COG5: variants seen among roughly 807,000 people sequenced by gnomAD.
COG5 encodes component of oligomeric golgi complex 5.
In COG5, 86 loss-of-function variants were observed where a neutral mutation model predicts 110.4. The ratio of observed to expected loss-of-function variants is 0.78; its 90% confidence interval spans 0.65 to 0.93. The LOEUF (loss-of-function observed/expected upper bound fraction) is 0.93, where lower values mean the gene tolerates loss of function less well. Ranked by LOEUF, COG5 falls within the 40% of genes least tolerant of loss-of-function variation. The pLI, the probability that COG5 is intolerant of heterozygous loss-of-function variation, is 0.00. For synonymous variants in COG5, 360 were observed against 334.6 expected (o/e 1.08, Z -0.83); for missense variants, 1,077 against 987.0 (o/e 1.09, Z -1.22).
At chr7:107,419,167 A>C (rs1177730572) in intron 6 of COG5, among the ~76,000 whole-genome samples, 1 of 152,192 alleles carries the variant, frequency 6.6e-6, no homozygotes, top group Non-Finnish European at 1.5e-5. Context: ...AACACAGTAA[A>C]ATAAAATTAT....
chr7:107,511,158 AAAG>A (rs1291722502), intron 6 of COG5, among the ~76,000 whole-genome samples: 3 of 151,638 alleles, frequency 2.0e-5, no homozygotes, highest in African/African-American at 7.3e-5. Context: ...CAAGACTAAT[AAAG>A]AAGAAAAGAG....
intron 11 of COG5, among the ~76,000 whole-genome samples, chr7:107,319,453 A>C (rs1304458030): frequency 6.6e-6 from 1 of 152,208 alleles, no homozygotes; most frequent in Non-Finnish European, 1.5e-5. Context: ...ATGGCAGACT[A>C]TATATTGATT....
chr7:107,247,767 C>G (rs1213440629), intron 17 of COG5, among the ~76,000 whole-genome samples: 1 of 152,126 alleles, frequency 6.6e-6, no homozygotes, highest in African/African-American at 2.4e-5. Flanking sequence ...TCTCAGGATA[C>G]CTATGACATG....
chr7:107,528,573 T>TGAGGGAGAGTGTGGTA (rs1170138434), intron 5 of COG5, among the ~76,000 whole-genome samples: 1 of 152,174 alleles, frequency 6.6e-6, no homozygotes, highest in Non-Finnish European at 1.5e-5. Context: ...AGCAGTTGCA[T>TGAGGGAGAGTGTGGTA]GAGGGAGAGT....
chr7:107,239,834 G>A (rs558619198), intron 17 of COG5, among the ~76,000 whole-genome samples: 2 of 152,240 alleles, frequency 1.3e-5, no homozygotes, highest in African/African-American at 2.4e-5. Flanking sequence ...ATTGTCATTA[G>A]AAAAGATACT....
chr7:107,210,133 G>T, intron 21 of COG5: 1 of 1,070,694 alleles, frequency 9.3e-7, no homozygotes. Flanking sequence ...TCGCACTTGG[G>T]TATTTTTAAA....
At chr7:107,422,378 T>C (rs1793357807) in intron 6 of COG5, among the ~76,000 whole-genome samples, 1 of 152,136 alleles carries the variant, frequency 6.6e-6, no homozygotes, top group African/African-American at 2.4e-5. Flanking sequence ...AATACAAAAA[T>C]TAGCCGGACA....
intron 7 of COG5, among the ~76,000 whole-genome samples, chr7:107,378,797 T>C (rs536843115): frequency 4.3e-4 from 65 of 152,258 alleles, no homozygotes; most frequent in Non-Finnish European, 8.7e-4. Flanking sequence ...CTACGTTTGA[T>C]TGGTGTACCT....
rs1182558933 is a variant in COG5, at chr7:107,230,656, T to C, written c.2127A>G (p.Val709=). Residue 709 remains valine (V), a synonymous_variant, in exon 19 of 22, where the codon GTA becomes GTG. Coordinates refer to ENST00000297135, the MANE Select transcript of COG5 (RefSeq NM_006348.5). ...ELAVGPFCRR[V]SDLGKSYRML... is the part of the protein sequence containing the mutation. ...TCCGATAGGACTTTCCTAAATCAGA[T>C]ACTCGTCTACAGAATGGACCCACAG... 1 of 1,613,488 alleles carries C rather than the reference T, an allele frequency of 6.2e-7. No individual in the cohort carries two copies. The highest frequency in any genetic ancestry group is 8.5e-7 in the Non-Finnish European group (1 of 1,179,470).
intron 8 of COG5, among the ~76,000 whole-genome samples, chr7:107,370,211 T>C (rs1814009615): frequency 6.6e-6 from 1 of 152,148 alleles, no homozygotes; most frequent in Non-Finnish European, 1.5e-5. Context: ...GTAGTGGTTG[T>C]GTTAGATACT....
chr7:107,325,583 C>A (rs184057892), intron 10 of COG5, among the ~76,000 whole-genome samples: 2 of 152,028 alleles, frequency 1.3e-5, no homozygotes, highest in African/African-American at 4.8e-5. Flanking sequence ...CCCAGGAGGC[C>A]GAGGTTGCAG....
At chr7:107,544,721 G>C (rs1312132413) in intron 5 of COG5, among the ~76,000 whole-genome samples, 1 of 152,142 alleles carries the variant, frequency 6.6e-6, no homozygotes, top group Non-Finnish European at 1.5e-5. Flanking sequence ...CAAATGTGCA[G>C]GCACCAATAC....
At chr7:107,463,378 G>C (rs543138252) in intron 6 of COG5, among the ~76,000 whole-genome samples, 88 of 152,192 alleles carry the variant, frequency 5.8e-4, no homozygotes, top group Non-Finnish European at 1.2e-3. Context: ...TTTAACCAAA[G>C]TTGTGATTTT....
In COG5 at chr7:107,366,175, A is replaced by T. The variant is rs191705131; in HGVS notation, c.836-3755T>A. On this transcript the variant is annotated intron_variant, in intron 8 of 21. Coordinates refer to ENST00000297135, the MANE Select transcript of COG5 (RefSeq NM_006348.5). ...ATATTATAGAAATAAGGACCATATT[A>T]GAAAAAACACAAGTTATAATAAACG... Among the ~76,000 whole-genome samples, 7 of 152,310 alleles carry T rather than the reference A, an allele frequency of 4.6e-5. No homozygotes were observed. The East Asian group carries it at 1.2e-3, about 25-fold the overall frequency.
intron 11 of COG5, among the ~76,000 whole-genome samples, chr7:107,320,983 T>A (rs965882431): frequency 6.6e-6 from 1 of 152,184 alleles, no homozygotes; most frequent in East Asian, 1.9e-4. Context: ...AGAAGGCACC[T>A]CTTTATCCAA....
At chr7:107,536,011 T>C (rs1801559344) in intron 5 of COG5, among the ~76,000 whole-genome samples, 1 of 152,092 alleles carries the variant, frequency 6.6e-6, no homozygotes, top group African/African-American at 2.4e-5. Flanking sequence ...CATATGCAAA[T>C]CAATAAACAT....
At chr7:107,393,002 C>T (rs1235537361) in intron 7 of COG5, among the ~76,000 whole-genome samples, 2 of 152,078 alleles carry the variant, frequency 1.3e-5, no homozygotes, top group Non-Finnish European at 2.9e-5. Context: ...CTCTGGGGAG[C>T]TTGATGGTTT....
Position 107,563,893 on chromosome 7 carries a change from C to A in COG5, c.4G>T (p.Glu2Ter). ...ACAGCGACGCTGCCGCCGCCACCTT[C>A]CATGTTGGCAGGTGCCGGGTTGATG... The part of the protein sequence containing the change: M[E>*]GGGGSVAVAG... The change falls in exon 1 of 22, where the codon GAA (glutamate) becomes TAA (stop). Residue 2 changes from glutamate to a stop codon, truncating the protein, a stop_gained. Transcript: ENST00000297135. LOFTEE classifies it high-confidence loss of function. 1 of 1,613,776 alleles carries A rather than the reference C, an allele frequency of 6.2e-7. No individual in the cohort carries two copies. Among genetic ancestry groups the A allele is most frequent in the Non-Finnish European group, 8.5e-7 (1 of 1,179,968 alleles).
chr7:107,270,248 C>T (rs886900681), intron 14 of COG5, among the ~76,000 whole-genome samples: 1 of 146,826 alleles, frequency 6.8e-6, no homozygotes, highest in Admixed American at 6.8e-5. Flanking sequence ...AAAGATAGTA[C>T]TCACACGTGC....
Sources: allele counts gnomAD v4.1 joint callset (sites outside exome capture counted in the v4.1 genomes callset), GRCh38; gene constraint gnomAD v4.1.1; transcripts MANE v1.5; gene names NCBI Gene and HGNC (gene_info 2026-07-23, HGNC 2026-07-21).